EIF3L: variants seen among roughly 807,000 people sequenced by gnomAD.
The protein encoded by EIF3L is eIEF associated protein HSPC021.
In EIF3L, 32 loss-of-function variants were observed where a neutral mutation model predicts 74.6. The observed-to-expected ratio is 0.43, with a 90% CI of 0.32 to 0.58. The LOEUF (loss-of-function observed/expected upper bound fraction) is 0.58. Ranked by LOEUF, EIF3L falls within the 20% of genes least tolerant of loss-of-function variation. EIF3L has a pLI of 0.06. For missense variants in EIF3L, 474 were observed against 707.8 expected, an observed-to-expected ratio of 0.67 and a Z score of 3.75; for synonymous variants, 256 against 254.4, an observed-to-expected ratio of 1.01 and a Z score of -0.06.
At chr22:37,881,137 C>T (rs1329297247) in intron 11 of EIF3L, 4 of 152,252 alleles carry the variant, frequency 2.6e-5, no homozygotes, top group African/African-American at 9.6e-5. Context: ...ATAGCAGTAG[C>T]TTCCTCTCAG....
chr22:37,849,918 T>C, intron 1 of EIF3L, 97 bp from the exon 2 acceptor site: 1 of 1,363,854 alleles, frequency 7.3e-7, no homozygotes, highest in South Asian at 1.2e-5. Flanking sequence ...TATTCGCCTC[T>C]GTATCCTTAG....
intron 4 of EIF3L, among the ~76,000 whole-genome samples, chr22:37,858,377 A>G (rs900385416): frequency 6.6e-6 from 1 of 151,650 alleles, no homozygotes; most frequent in Non-Finnish European, 1.5e-5. Flanking sequence ...GGTGCGCACC[A>G]CCACGCTTGT....
intron 2 of EIF3L, 33 bp downstream of exon 2, chr22:37,850,096 G>GT (rs1569108561): frequency 6.2e-7 from 1 of 1,610,938 alleles, no homozygotes; most frequent in East Asian, 2.2e-5. Context: ...CTGAGTACTC[G>GT]TAGGGATCAG....
intron 9 of EIF3L, among the ~76,000 whole-genome samples, chr22:37,875,381 A>G (rs112289650): frequency 6.7e-6 from 1 of 149,806 alleles, no homozygotes; most frequent in African/African-American, 2.4e-5. Flanking sequence ...CTGTCCCAGA[A>G]AAAAAAAAAG....
At chr22:37,849,703 C>G in intron 1 of EIF3L, 1 of 613,634 alleles carries the variant, frequency 1.6e-6, no homozygotes, top group Non-Finnish European at 2.8e-6. Context: ...TTTCTAAGAC[C>G]GGAGACTAAG....
intron 11 of EIF3L, chr22:37,881,094 C>T (rs1445307158): frequency 6.6e-6 from 1 of 152,168 alleles, no homozygotes; most frequent in Non-Finnish European, 1.5e-5. Flanking sequence ...CTATGTATGC[C>T]TCAAGTTCTT....
intron 5 of EIF3L, among the ~76,000 whole-genome samples, chr22:37,862,652 G>A (rs1001789938): frequency 2.6e-5 from 4 of 152,132 alleles, no homozygotes; most frequent in Non-Finnish European, 5.9e-5. Context: ...CAAGTGCCAC[G>A]ATTTAACTTC....
Position 37,886,963 on chromosome 22 carries a change from C to G in EIF3L, c.1656+118C>G, listed in dbSNP as rs1601788394. On this transcript the variant is annotated intron_variant, in intron 12 of 12. Coordinates refer to ENST00000652021, the MANE Select transcript of EIF3L (RefSeq NM_016091.4). ...ATTTATTTTGAGATGGAGTCTTGTG[C>G]TGTCACCCATGCTGGAGTGCAGCGA... The G allele has an allele frequency of 3.9e-6, 3 of 763,950 alleles. No homozygotes were observed. The East Asian group carries it at 1.1e-4, about 29-fold the overall frequency. The allele number at this position is 763,950 out of a possible 1,614,324, so 47.3% of individuals were successfully genotyped here.
intron 11 of EIF3L, 192 bp downstream of exon 11, chr22:37,878,363 C>T (rs9610859): frequency 1.7e-6 from 1 of 587,364 alleles, no homozygotes; most frequent in Non-Finnish European, 2.8e-6. Context: ...GAGGATCACT[C>T]TAGCCCAGGA....
In EIF3L at chr22:37,849,673, C is replaced by A. The variant is rs947471742; in HGVS notation, c.33+191C>A. On this transcript the variant is annotated intron_variant, in intron 1 of 12. Transcript: ENST00000652021. ...GCTCTGCCCGCCCACTTCGCGTGTT[C>A]GATTGGCTTGTCCTTCCCCTTTCTA... The A allele has an allele frequency of 1.4e-5, 9 of 650,354 alleles. No homozygotes were observed. The African/African-American group carries it at 1.5e-4, about 11-fold the overall frequency. 40.3% of individuals were successfully genotyped at this position (650,354 alleles called of 1,614,324 possible). A position where few individuals can be genotyped will look rare whatever the true frequency, so the allele number is the denominator to read the frequency against.
At chr22:37,883,413 C>G (rs1237524698) in intron 11 of EIF3L, 3 of 150,950 alleles carry the variant, frequency 2.0e-5, no homozygotes, top group African/African-American at 7.3e-5. Flanking sequence ...AACCCTGTCT[C>G]TACTAAAAAT....
chr22:37,850,082 C>T lies in EIF3L; in HGVS notation c.82+19C>T, dbSNP rs1217631833. ...CACACAGGTGAGACCACGGGTTAGG[C>T]TGGCTGAGTACTCGTAGGGATCAGT... is the stretch of plus-strand genomic sequence containing the variant. On this transcript the variant is annotated intron_variant, in intron 2 of 12. Coordinates refer to ENST00000652021, the MANE Select transcript of EIF3L (RefSeq NM_016091.4). 2 of 1,613,014 alleles carry T rather than the reference C, an allele frequency of 1.2e-6. No homozygotes were observed. Among genetic ancestry groups the T allele is most frequent in the Non-Finnish European group, 1.7e-6 (2 of 1,179,288 alleles).
chr22:37,851,209 G>T, intron 2 of EIF3L, 71 bp from the exon 3 acceptor site: 2 of 1,313,968 alleles, frequency 1.5e-6, no homozygotes, highest in Non-Finnish European at 2.2e-6. Flanking sequence ...TTTCTGGGGT[G>T]GTCTTGCCAT....
chr22:37,874,440 G>T lies in EIF3L; in HGVS notation c.822G>T (p.Leu274=). Residue 274 remains leucine, a synonymous_variant, in exon 9 of 13, where the codon CTG becomes CTT. Transcript: ENST00000652021. Reference sequence around the variant, plus strand: ...ACAAAATGCTTGGTTACTTCAGCCTGGTCGGGCTTCTCCGCCTGCACTCCC... The same window carrying T: ...ACAAAATGCTTGGTTACTTCAGCCTTGTCGGGCTTCTCCGCCTGCACTCCC... ...SLYKMLGYFS[L]VGLLRLHSLL... is the part of the protein sequence containing the mutation. 2 of 1,614,168 alleles carry T rather than the reference G, an allele frequency of 1.2e-6. No individual in the cohort carries two copies. Among genetic ancestry groups the T allele is most frequent in the Non-Finnish European group, 1.7e-6 (2 of 1,180,032 alleles).
chr22:37,855,091 G>A (rs1285032766), intron 3 of EIF3L, among the ~76,000 whole-genome samples: 1 of 152,190 alleles, frequency 6.6e-6, no homozygotes, highest in African/African-American at 2.4e-5. Context: ...ACCTGTTGCA[G>A]GTTTGTCAAG....
intron 11 of EIF3L, 116 bp downstream of exon 11, chr22:37,878,287 G>A: frequency 1.5e-6 from 2 of 1,301,112 alleles, no homozygotes; most frequent in Non-Finnish European, 2.1e-6. Context: ...TTGTGGTGCT[G>A]CCACAAGGTG....
intron 7 of EIF3L, among the ~76,000 whole-genome samples, chr22:37,868,025 G>A (rs1926252547): frequency 6.8e-6 from 1 of 146,746 alleles, no homozygotes; most frequent in Non-Finnish European, 1.5e-5. Context: ...TGTCAATTTT[G>A]TTTTCTTTGA....
chr22:37,866,106 A>G (rs756906480), intron 7 of EIF3L, among the ~76,000 whole-genome samples: 1 of 152,210 alleles, frequency 6.6e-6, no homozygotes, highest in Non-Finnish European at 1.5e-5. Flanking sequence ...TTGCAGAGGT[A>G]TCAATTACTG....
Position 37,878,500 on chromosome 22 carries a change from G to A in EIF3L, c.1575+329G>A, listed in dbSNP as rs1057392937. 7 of 182,630 alleles carry A rather than the reference G, an allele frequency of 3.8e-5. No homozygotes were observed. In the East Asian group the frequency reaches 9.6e-4, roughly 25 times the overall value. 11.3% of individuals were successfully genotyped at this position (182,630 alleles called of 1,614,324 possible). On this transcript the variant is annotated intron_variant, in intron 11 of 12. Transcript: ENST00000652021. ...TTTTTTGAGATGGAATTTCGCTCTC[G>A]TTGCCCAGGCTAGAATGTGATGGCA...
Sources: gnomAD v4.1 joint callset for allele counts (sites outside exome capture counted in the v4.1 genomes callset) on GRCh38, gnomAD v4.1.1 for gene constraint, MANE v1.5 for transcripts, NCBI Gene and HGNC (gene_info 2026-07-23, HGNC 2026-07-21) for gene names.